Variants in MAPT observed in about 807,000 individuals in gnomAD.
MAPT encodes microtubule associated protein tau.
Under a neutral mutation model 67.9 loss-of-function variants are expected in MAPT, and 34 were observed. That is an observed-to-expected ratio of 0.50 (90% CI 0.38 to 0.67). The LOEUF (loss-of-function observed/expected upper bound fraction) is 0.67. MAPT is among the 30% of genes least tolerant of loss of function. The pLI is 0.00. For missense variants in MAPT, 881 were observed against 1,115.2 expected (o/e 0.79, Z 2.99); for synonymous variants, 456 against 464.5 (o/e 0.98, Z 0.23).
At chr17:45,985,615 G>C (rs1451037381) in intron 5 of MAPT, 1 of 933,734 alleles carries the variant, frequency 1.1e-6, no homozygotes, top group Non-Finnish European at 1.3e-6. Flanking sequence ...AGGTCACAGA[G>C]TGGGTTTCCC....
At chr17:46,013,774 C>T (rs573752355) in intron 10 of MAPT, among the ~76,000 whole-genome samples, 1 of 152,224 alleles carries the variant, frequency 6.6e-6, no homozygotes, top group African/African-American at 2.4e-5. Flanking sequence ...GCAGATACCC[C>T]ACTCCTGCCT....
intron 1 of MAPT, among the ~76,000 whole-genome samples, chr17:45,930,247 C>A (rs1195041955): frequency 6.6e-6 from 1 of 151,768 alleles, no homozygotes; most frequent in African/African-American, 2.4e-5. Flanking sequence ...AAAAACAAAA[C>A]AAAACAAAAA....
chr17:45,988,187 A>G (rs560399683), intron 6 of MAPT, among the ~76,000 whole-genome samples: 5 of 152,036 alleles, frequency 3.3e-5, no homozygotes, highest in Admixed American at 6.5e-5. Flanking sequence ...TCCCATTGCT[A>G]CTTCATCTCC....
rs2063263263 is a variant in MAPT, at chr17:45,896,726, T to G, written c.-18+2040T>G. 1 of 152,176 alleles carries G rather than the reference T, an allele frequency of 6.6e-6. No homozygotes were observed. Among genetic ancestry groups the G allele is most frequent in the African/African-American group, 2.4e-5 (1 of 41,428 alleles). The allele number at this position is 152,176 out of a possible 1,614,324, so 9.4% of individuals were successfully genotyped here. A position where few individuals can be genotyped will look rare whatever the true frequency, so the allele number is the denominator to read the frequency against. On this transcript the variant is annotated intron_variant, in intron 1 of 12. Transcript: ENST00000262410. This position sits in a 1 kb window ranked among gnomAD's most constrained non-coding sequence, Gnocchi z 5.6. ...CAGATAGGCGGCCCTGGGTGTATTT[T>G]TATTAATATTATGTCCGTACTGATT...
At chr17:45,900,885 C>T (rs1007270046) in intron 1 of MAPT, among the ~76,000 whole-genome samples, 4 of 152,136 alleles carry the variant, frequency 2.6e-5, no homozygotes, top group Non-Finnish European at 4.4e-5. Flanking sequence ...CAAGCTAACC[C>T]GGTACTCACT....
intron 1 of MAPT, among the ~76,000 whole-genome samples, chr17:45,909,537 C>G (rs1321301778): frequency 6.6e-6 from 1 of 152,072 alleles, no homozygotes; most frequent in Non-Finnish European, 1.5e-5. Context: ...AAGTTCAAGA[C>G]CAGCCTGGGC....
At position 46,018,741 on chromosome 17, in the gene MAPT, T is replaced by A. The variant is rs1307525405; in HGVS notation, c.2286+11T>A. On this transcript the variant is annotated intron_variant, in intron 12 of 12. Transcript: ENST00000262410. ...GGAGGAAATAAAAAGGTAAAGGGGGTAGGGTGGGTTGGATGCTGCCCTTGG... is the reference window on the plus strand; with the variant it reads ...GGAGGAAATAAAAAGGTAAAGGGGGAAGGGTGGGTTGGATGCTGCCCTTGG... The A allele has an allele frequency of 2.5e-6, 4 of 1,585,508 alleles. No homozygotes were observed. The highest frequency in any genetic ancestry group is 2.6e-6 in the Non-Finnish European group (3 of 1,154,254).
At chr17:45,899,036 G>C (rs894763265) in intron 1 of MAPT, among the ~76,000 whole-genome samples, 1 of 152,132 alleles carries the variant, frequency 6.6e-6, no homozygotes, top group Non-Finnish European at 1.5e-5. Context: ...TGGAGCTGGC[G>C]TTTGGGGGGC....
At chr17:46,008,199 C>G (rs143420481) in intron 9 of MAPT, among the ~76,000 whole-genome samples, 2 of 152,202 alleles carry the variant, frequency 1.3e-5, no homozygotes, top group Non-Finnish European at 2.9e-5. Flanking sequence ...CGGGTTCAAG[C>G]TATTCTCCTT....
intron 6 of MAPT, among the ~76,000 whole-genome samples, chr17:45,988,991 CAT>C (rs920673822): frequency 4.0e-5 from 6 of 151,348 alleles, no homozygotes; most frequent in African/African-American, 1.2e-4. Flanking sequence ...TCAGAAAGCA[CAT>C]GTGTGGTGGG....
At chr17:45,924,607 C>A (rs914362397) in intron 1 of MAPT, among the ~76,000 whole-genome samples, 1 of 152,254 alleles carries the variant, frequency 6.6e-6, no homozygotes, top group African/African-American at 2.4e-5. Flanking sequence ...CTCAGGGCCC[C>A]AAGCCCCCAT....
chr17:45,923,783 T>G (rs779350665), intron 1 of MAPT, among the ~76,000 whole-genome samples: 5 of 152,236 alleles, frequency 3.3e-5, no homozygotes, highest in Non-Finnish European at 5.9e-5. Flanking sequence ...TGAAGTTTCG[T>G]GCACACACTC....
chr17:46,024,032 C>T lies in MAPT; in HGVS notation c.2363C>T (p.Ser788Leu), dbSNP rs1188314414. ...TDHGAEIVYKSPVVSGDTSPR... is the reference protein window; with the variant it reads ...TDHGAEIVYKLPVVSGDTSPR... ...CACGGGGCGGAGATCGTGTACAAGTCGCCAGTGGTGTCTGGGGACACGTCT... is the reference window on the plus strand; with the variant it reads ...CACGGGGCGGAGATCGTGTACAAGTTGCCAGTGGTGTCTGGGGACACGTCT... Residue 788 changes from serine to leucine, a missense_variant, in exon 13 of 13, where the codon TCG becomes TTG. Ser to Leu is a moderately radical substitution (Grantham distance 145, BLOSUM62 -2). Coordinates refer to ENST00000262410, the MANE Select transcript of MAPT (RefSeq NM_001377265.1). 10 of 1,614,134 alleles carry T rather than the reference C, an allele frequency of 6.2e-6. No homozygotes were observed. Among genetic ancestry groups the T allele is most frequent in the Admixed American group, 1.7e-5 (1 of 60,022 alleles).
intron 1 of MAPT, among the ~76,000 whole-genome samples, chr17:45,928,183 G>T (rs188038480): frequency 3.3e-5 from 5 of 152,216 alleles, no homozygotes; most frequent in Admixed American, 3.3e-4. Flanking sequence ...CCAAATTCTT[G>T]TGGCTTCACA....
intron 1 of MAPT, among the ~76,000 whole-genome samples, chr17:45,903,639 C>T (rs1398558437): frequency 2.2e-5 from 3 of 136,314 alleles, no homozygotes; most frequent in Admixed American, 1.7e-4. Context: ...GGCGTGAACC[C>T]GGGAGGTGGA....
At chr17:45,969,700 C>T (rs1307716406) in intron 2 of MAPT, among the ~76,000 whole-genome samples, 1 of 151,734 alleles carries the variant, frequency 6.6e-6, no homozygotes, top group African/African-American at 2.4e-5. Context: ...CTTCATCCTT[C>T]CTATCATCCA....
chr17:45,975,523 G>A (rs1244622215), intron 3 of MAPT: 1 of 152,192 alleles, frequency 6.6e-6, no homozygotes, highest in African/African-American at 2.4e-5. Context: ...AAGGACGTTT[G>A]AAGACTGTGG....
chr17:45,976,461 G>A (rs1180444170), intron 3 of MAPT: 1 of 152,270 alleles, frequency 6.6e-6, no homozygotes, highest in African/African-American at 2.4e-5. Flanking sequence ...ATGTGGTGGG[G>A]AGGTTCTAGA....
chr17:45,981,490 C>T (rs2072942084), intron 4 of MAPT, among the ~76,000 whole-genome samples: 1 of 152,232 alleles, frequency 6.6e-6, no homozygotes, highest in South Asian at 2.1e-4. Flanking sequence ...TCCTGAGGGC[C>T]GTCACTGTCT....
Sources: gnomAD v4.1 joint callset for allele counts (sites outside exome capture counted in the v4.1 genomes callset) on GRCh38, gnomAD v4.1.1 for gene constraint, Gnocchi (gnomAD v3.1) non-coding constraint, MANE v1.5 for transcripts, NCBI Gene and HGNC (gene_info 2026-07-23, HGNC 2026-07-21) for gene names.